The following TRMT10B variants were observed in gnomAD, a reference collection of about 807,000 sequenced individuals.
TRMT10B encodes tRNA methyltransferase 10B.
In TRMT10B, 33 loss-of-function variants were observed where a neutral mutation model predicts 43.8. That is an observed-to-expected ratio of 0.75 (90% CI 0.57 to 1.01). The LOEUF (loss-of-function observed/expected upper bound fraction) is 1.01. Ranked by LOEUF, TRMT10B falls within the 50% of genes least tolerant of loss-of-function variation. The probability of loss-of-function intolerance (pLI) is 0.00; values close to 1 mark genes in which losing one functional copy is unlikely to be tolerated. For missense variants in TRMT10B, 362 were observed against 369.8 expected, an observed-to-expected ratio of 0.98 and a Z score of 0.17; for synonymous variants, 137 against 130.6, an observed-to-expected ratio of 1.05 and a Z score of -0.34.
In TRMT10B at chr9:37,754,268, TA is replaced by T. The variant is rs138777794; in HGVS notation, c.-30+420del. 7.7e-3 allele frequency among the ~76,000 whole-genome samples: 1,170 copies of T among 152,268 alleles called. 13 individuals are homozygous for T. Among genetic ancestry groups the T allele is most frequent in the African/African-American group, 0.026 (1,076 of 41,536 alleles). ...GGATGGAGGAGGTTCCGACAACAAG[TA>T]AAATAGGTTATGTTGGATAGTAATA... On this transcript the variant is annotated intron_variant, in intron 1 of 8. Transcript: ENST00000297994.
chr9:37,761,824 C>A, intron 1 of TRMT10B, 79 bp from the exon 2 acceptor site: 1 of 1,009,822 alleles, frequency 9.9e-7, no homozygotes, highest in South Asian at 1.8e-5. Context: ...AACACAATAA[C>A]ACTTTGTCAT....
At chr9:37,753,454 G>T (rs1395332551), upstream of TRMT10B, among the ~76,000 whole-genome samples, 1 of 152,130 alleles carries the variant, frequency 6.6e-6, no homozygotes, top group South Asian at 2.1e-4. Context: ...GGTTTCCTTC[G>T]GCAGAGAGGG....
intron 8 of TRMT10B, among the ~76,000 whole-genome samples, chr9:37,776,899 A>G (rs1328327350): frequency 6.7e-6 from 1 of 150,020 alleles, no homozygotes; most frequent in African/African-American, 2.5e-5. Flanking sequence ...TCTGTCTCAA[A>G]AACAAAAAAA....
intron 1 of TRMT10B, among the ~76,000 whole-genome samples, chr9:37,756,363 A>G (rs1018556599): frequency 3.9e-5 from 6 of 151,966 alleles, no homozygotes; most frequent in African/African-American, 1.5e-4. Flanking sequence ...AAGTCTGTTC[A>G]TTCATCTAAA....
chr9:37,777,959 T>G lies in TRMT10B; in HGVS notation c.*252T>G, dbSNP rs956752316. The stretch of plus-strand genomic sequence containing the variant: ...GGCGAAGGTTGCAGTGAGCCGAGAT[T>G]TCACCAGTGCACTCCAGCCTGGGTG... On this transcript the variant is annotated 3_prime_UTR_variant, in exon 9 of 9. Transcript: ENST00000297994. 2.6e-5 allele frequency: 9 copies of G among 348,026 alleles called. No individual in the cohort carries two copies. Among genetic ancestry groups the G allele is most frequent in the Non-Finnish European group, 4.4e-5 (8 of 182,564 alleles). 21.6% of individuals were successfully genotyped at this position (348,026 alleles called of 1,614,324 possible).
chr9:37,763,886 TA>T (rs1186298481), intron 4 of TRMT10B, 133 bp downstream of exon 4: 2 of 1,545,290 alleles, frequency 1.3e-6, no homozygotes, highest in Non-Finnish European at 1.8e-6. Flanking sequence ...TGATTTTCTA[TA>T]CTGGGTTACT....
intron 7 of TRMT10B, among the ~76,000 whole-genome samples, chr9:37,772,461 A>G (rs1214607880): frequency 6.6e-6 from 1 of 151,662 alleles, no homozygotes; most frequent in African/African-American, 2.4e-5. Context: ...CTCGTGTTTA[A>G]AATTTTTTGT....
chr9:37,759,038 C>T (rs902214898), intron 1 of TRMT10B, among the ~76,000 whole-genome samples: 1 of 152,178 alleles, frequency 6.6e-6, no homozygotes. Context: ...TTGGAATGCT[C>T]ATACATTGCT....
At chr9:37,771,531 T>C (rs1275898179) in intron 7 of TRMT10B, among the ~76,000 whole-genome samples, 1 of 152,220 alleles carries the variant, frequency 6.6e-6, no homozygotes, top group Non-Finnish European at 1.5e-5. Context: ...TTAATTGAAT[T>C]TATTTAAAAA....
intron 1 of TRMT10B, among the ~76,000 whole-genome samples, chr9:37,759,486 G>A (rs1826093198): frequency 6.6e-6 from 1 of 152,246 alleles, no homozygotes; most frequent in Admixed American, 6.5e-5. Context: ...GGAATGGGAT[G>A]AAGACTGATT....
chr9:37,776,434 T>G, intron 8 of TRMT10B, 29 bp downstream of exon 8: 1 of 1,591,400 alleles, frequency 6.3e-7, no homozygotes, highest in South Asian at 1.2e-5. Context: ...CCATCCAGGG[T>G]GTGTGAGTTC....
intron 7 of TRMT10B, among the ~76,000 whole-genome samples, chr9:37,772,968 T>A (rs573790463): frequency 2.4e-4 from 36 of 152,392 alleles, no homozygotes; most frequent in African/African-American, 8.2e-4. Context: ...GATTGTGTAT[T>A]AAGTGAAATT....
chr9:37,770,160 C>T (rs1395213827), intron 6 of TRMT10B, 141 bp downstream of exon 6: 1 of 769,372 alleles, frequency 1.3e-6, no homozygotes, highest in African/African-American at 1.7e-5. Flanking sequence ...CAGTGCTCCT[C>T]TTACAGGCAG....
At chr9:37,765,033 T>G (rs1320917146) in intron 4 of TRMT10B, among the ~76,000 whole-genome samples, 1 of 152,092 alleles carries the variant, frequency 6.6e-6, no homozygotes, top group Non-Finnish European at 1.5e-5. Context: ...TTAGGAAAAT[T>G]CCATGGGCTG....
chr9:37,759,743 G>A (rs144630181), intron 1 of TRMT10B, among the ~76,000 whole-genome samples: 3,269 of 152,270 alleles, frequency 0.021, 114 homozygotes, highest in African/African-American at 0.074. Context: ...CTTGAACTCA[G>A]GAGGCGGAGG....
intron 7 of TRMT10B, among the ~76,000 whole-genome samples, chr9:37,771,411 A>G (rs906085778): frequency 4.6e-5 from 7 of 152,098 alleles, no homozygotes; most frequent in African/African-American, 1.7e-4. Flanking sequence ...ATATGATCAC[A>G]AAGTATGTGT....
At chr9:37,770,114 C>A in intron 6 of TRMT10B, 95 bp downstream of exon 6, 2 of 1,033,484 alleles carry the variant, frequency 1.9e-6, no homozygotes, top group Non-Finnish European at 3.0e-6. Context: ...AAGAAGGACA[C>A]CCCTCCCCAC....
intron 1 of TRMT10B, among the ~76,000 whole-genome samples, chr9:37,761,680 G>A (rs911251479): frequency 8.5e-5 from 13 of 152,152 alleles, no homozygotes; most frequent in African/African-American, 2.4e-4. Flanking sequence ...CCTGAGTAAC[G>A]AGAGCAAAAC....
At chr9:37,763,165 A>AAC (rs74171523) in intron 3 of TRMT10B, among the ~76,000 whole-genome samples, 1 of 143,926 alleles carries the variant, frequency 6.9e-6, no homozygotes, top group African/African-American at 2.5e-5. Flanking sequence ...AAAAAAAAAA[A>AAC]CAAAAAAAAA....
Sources: gnomAD v4.1 joint callset for allele counts (sites outside exome capture counted in the v4.1 genomes callset) on GRCh38, gnomAD v4.1.1 for gene constraint, MANE v1.5 for transcripts, NCBI Gene and HGNC (gene_info 2026-07-23, HGNC 2026-07-21) for gene names.